The following MPP7 variants were observed in gnomAD, a reference collection of about 807,000 sequenced individuals.
The protein encoded by MPP7 is MAGUK p55 scaffold protein 7.
A neutral mutation model predicts 76.5 loss-of-function variants in MPP7; 60 were observed. That is an observed-to-expected ratio of 0.78 (90% confidence interval 0.64 to 0.97). The LOEUF is 0.97. Among genes scored for constraint, MPP7 ranks in the 50% least tolerant of loss-of-function variants. MPP7 has a pLI of 0.00. For synonymous variants in MPP7, 237 were observed against 244.5 expected, an observed-to-expected ratio of 0.97 and a Z score of 0.29; for missense variants, 641 against 694.0, an observed-to-expected ratio of 0.92 and a Z score of 0.86.
intron 1 of MPP7, among the ~76,000 whole-genome samples, chr10:28,249,044 T>C (rs1018777663): frequency 2.6e-5 from 4 of 152,142 alleles, no homozygotes; most frequent in Admixed American, 2.6e-4. Context: ...CCTGCCATAA[T>C]AATATGTGGC....
In MPP7 at chr10:28,118,979, G is replaced by A. The variant is rs560385689; in HGVS notation, c.952+672C>T. 1.0e-5 allele frequency: 10 copies of A among 985,350 alleles called. No individual in the cohort carries two copies. The African/African-American group carries it at 1.6e-4, about 15-fold the overall frequency. 61.0% of individuals were successfully genotyped at this position (985,350 alleles called of 1,614,324 possible). ...ATACCTAGAACCATGAAACATCTAG[G>A]CGAGGTGGAACAGGGAATTTATGGG... is the stretch of plus-strand genomic sequence containing the variant. On this transcript the variant is annotated intron_variant, in intron 11 of 16. Transcript: ENST00000683449.
In MPP7 at chr10:28,132,743, C is replaced by T. The variant is rs146456899; in HGVS notation, c.316-1052G>A. On this transcript the variant is annotated intron_variant, in intron 5 of 16. Coordinates refer to ENST00000683449, the MANE Select transcript of MPP7 (RefSeq NM_001318170.2). ...CCTCCCAAGTAGCTGGGATTACAGG[C>T]GCCCGCCACCACGCCTGGCTAGTTT... 7.7e-3 allele frequency among the ~76,000 whole-genome samples: 1,168 copies of T among 152,214 alleles called. 8 individuals carry two copies. Among genetic ancestry groups the T allele is most frequent in the African/African-American group, 0.018 (748 of 41,532 alleles).
At chr10:28,261,856 G>C (rs1255967990) in intron 1 of MPP7, among the ~76,000 whole-genome samples, 3 of 151,808 alleles carry the variant, frequency 2.0e-5, no homozygotes, top group Admixed American at 1.3e-4. Flanking sequence ...AGACCAGCTT[G>C]GGCAACATAA....
chr10:28,281,764 G>C (rs889831032), intron 1 of MPP7, among the ~76,000 whole-genome samples: 18 of 152,002 alleles, frequency 1.2e-4, no homozygotes, highest in Non-Finnish European at 2.6e-4. Context: ...AGAAAATGGA[G>C]GTTTGGAGAG....
At chr10:28,135,847 ATCTATAGCAGGGG>A (rs933153281) in intron 5 of MPP7, among the ~76,000 whole-genome samples, 1 of 152,198 alleles carries the variant, frequency 6.6e-6, no homozygotes, top group African/African-American at 2.4e-5. Flanking sequence ...CAAGAATACT[ATCTATAGCAGGGG>A]TCTTCAACCC....
At chr10:28,058,230 T>C (rs1851640824) in intron 15 of MPP7, among the ~76,000 whole-genome samples, 1 of 152,240 alleles carries the variant, frequency 6.6e-6, no homozygotes, top group Non-Finnish European at 1.5e-5. Context: ...AGAGTTGCTT[T>C]ACTTGACAAA....
chr10:28,171,976 T>C lies in MPP7; in HGVS notation c.157-21917A>G, dbSNP rs368117357. Among the ~76,000 whole-genome samples the C allele has an allele frequency of 3.9e-5, 6 of 152,270 alleles. No individual in the cohort carries two copies. The East Asian group carries it at 9.6e-4, about 24-fold the overall frequency. On this transcript the variant is annotated intron_variant, in intron 3 of 16. Coordinates refer to ENST00000683449, the MANE Select transcript of MPP7 (RefSeq NM_001318170.2). ...CTATCCCCCAGGTCCTCATAGTCTTTCCCTGGATACACTGAATAATGTTGC... is the reference window on the plus strand; with the variant it reads ...CTATCCCCCAGGTCCTCATAGTCTTCCCCTGGATACACTGAATAATGTTGC...
At position 28,224,005 on chromosome 10, in the gene MPP7, A is replaced by G. The variant is rs140481646; in HGVS notation, c.37+14563T>C. Among the ~76,000 whole-genome samples, 1,388 of 151,362 alleles carry G rather than the reference A, an allele frequency of 9.2e-3. 30 individuals carry two copies. The highest frequency in any genetic ancestry group is 0.032 in the African/African-American group (1,332 of 41,212). On this transcript the variant is annotated intron_variant, in intron 2 of 16. Coordinates refer to ENST00000683449, the MANE Select transcript of MPP7 (RefSeq NM_001318170.2). ...GAGGTCAGGAGTTCGAGACCAGCCTAGCCAACATGGTGAAACCCCATCTCT... is the reference window on the plus strand; with the variant it reads ...GAGGTCAGGAGTTCGAGACCAGCCTGGCCAACATGGTGAAACCCCATCTCT...
chr10:28,202,128 A>G (rs1408966653), intron 3 of MPP7, 25 bp downstream of exon 3: 1 of 1,493,532 alleles, frequency 6.7e-7, no homozygotes, highest in East Asian at 2.3e-5. Flanking sequence ...TTTCGCAAAG[A>G]GAATCTGACA....
intron 15 of MPP7, among the ~76,000 whole-genome samples, chr10:28,057,139 T>C (rs1235315114): frequency 6.6e-6 from 1 of 152,180 alleles, no homozygotes; most frequent in Admixed American, 6.5e-5. Flanking sequence ...GAGCTGAAAG[T>C]TATTATTCAT....
rs551382918 is a variant in MPP7 at position 28,319,502 on chromosome 10, C to G, written c.-132+10427G>C. On this transcript the variant is annotated intron_variant, in intron 2 of 11. Coordinates refer to the MPP7 transcript ENST00000441595. ...GATCAGCCTGAGCAACATGGCAAAA[C>G]CCCGTCTCTACAAAAAAATACAAAA... Among the ~76,000 whole-genome samples the G allele has an allele frequency of 2.6e-5, 4 of 151,498 alleles. No individual in the cohort carries two copies. In the East Asian group the frequency reaches 7.9e-4, roughly 30 times the overall value.
rs71281552 is a variant in MPP7, at chr10:28,325,975, C to CAA, written c.-132+3952_-132+3953dup. Among the ~76,000 whole-genome samples the CAA allele has an allele frequency of 3.8e-3, 364 of 96,316 alleles. 2 individuals carry two copies. Among genetic ancestry groups the CAA allele is most frequent in the South Asian group, 9.4e-3 (29 of 3,072 alleles). 63.2% of individuals were successfully genotyped at this position (96,316 alleles called of 152,430 possible). On this transcript the variant is annotated intron_variant, in intron 2 of 11. Transcript: ENST00000441595. ...AGGGTGACAGAGTGAGACCTCATCT[C>CAA]AAAAAAAAAAAAAAAAAAAAATTCC...
rs939479979 is a variant in MPP7, at chr10:28,051,602, T to C, written c.*2463A>G. The stretch of plus-strand genomic sequence containing the variant: ...GCTTCTGGAGGGAGGAGTGCTATTC[T>C]CCTTGCTGGAGAAGGAGGCTGGGGG... On this transcript the variant is annotated 3_prime_UTR_variant, in exon 17 of 17. Coordinates refer to ENST00000683449, the MANE Select transcript of MPP7 (RefSeq NM_001318170.2). 7 of 152,152 alleles carry C rather than the reference T, an allele frequency of 4.6e-5. No individual in the cohort carries two copies. Among genetic ancestry groups the C allele is most frequent in the Admixed American group, 1.3e-4 (2 of 15,278 alleles). 9.4% of individuals were successfully genotyped at this position (152,152 alleles called of 1,614,324 possible). A position where few individuals can be genotyped will look rare whatever the true frequency, so the allele number is the denominator to read the frequency against.
chr10:28,104,371 G>A (rs778704998), intron 11 of MPP7, among the ~76,000 whole-genome samples: 2 of 152,156 alleles, frequency 1.3e-5, no homozygotes, highest in Non-Finnish European at 2.9e-5. Context: ...CCACAATTAC[G>A]ATAAGTCACA....
At chr10:28,218,682 A>C (rs1838394805) in intron 2 of MPP7, among the ~76,000 whole-genome samples, 1 of 152,238 alleles carries the variant, frequency 6.6e-6, no homozygotes, top group African/African-American at 2.4e-5. Context: ...AACCAAAAAA[A>C]GAAAATCAAG....
chr10:28,158,105 G>C (rs1406959026), intron 3 of MPP7, among the ~76,000 whole-genome samples: 1 of 152,084 alleles, frequency 6.6e-6, no homozygotes, highest in Non-Finnish European at 1.5e-5. Context: ...TGCACAGTTG[G>C]TAACACCCTG....
At chr10:28,145,548 A>T (rs1460509920) in intron 5 of MPP7, among the ~76,000 whole-genome samples, 1 of 152,212 alleles carries the variant, frequency 6.6e-6, no homozygotes, top group Non-Finnish European at 1.5e-5. Flanking sequence ...TTAAAGTAAT[A>T]TGGAAATGAG....
At chr10:28,198,027 T>C (rs1376819928) in intron 3 of MPP7, among the ~76,000 whole-genome samples, 1 of 152,190 alleles carries the variant, frequency 6.6e-6, no homozygotes, top group African/African-American at 2.4e-5. Flanking sequence ...AATTCAATCA[T>C]ATGAGGAAAA....
At chr10:28,112,831 A>ATT (rs75578663) in intron 11 of MPP7, among the ~76,000 whole-genome samples, 1 of 151,946 alleles carries the variant, frequency 6.6e-6, no homozygotes, top group African/African-American at 2.4e-5. Context: ...TATAATCCCC[A>ATT]TTTTTTTCAG....
Sources: gnomAD v4.1 joint callset for allele counts (sites outside exome capture counted in the v4.1 genomes callset) on GRCh38, gnomAD v4.1.1 for gene constraint, MANE v1.5 for transcripts, NCBI Gene and HGNC (gene_info 2026-07-23, HGNC 2026-07-21) for gene names.